The following SLC25A48 variants were observed in gnomAD, a reference collection of about 807,000 sequenced individuals.
SLC25A48 encodes CTC-321K16.1.
Under a neutral mutation model 32.2 loss-of-function variants are expected in SLC25A48, and 29 were observed. The observed-to-expected ratio is 0.90, with a 90% CI of 0.67 to 1.23. The LOEUF is 1.23. Among genes scored for constraint, SLC25A48 ranks in the 50% most tolerant of loss-of-function variants. The pLI is 0.00. For missense variants in SLC25A48, 399 were observed against 422.7 expected (o/e 0.94, Z 0.49); for synonymous variants, 164 against 172.3 (o/e 0.95, Z 0.38).
chr5:135,851,475 G>C (rs747084585), intron 3 of SLC25A48, among the ~76,000 whole-genome samples: 3 of 152,210 alleles, frequency 2.0e-5, no homozygotes, highest in Non-Finnish European at 4.4e-5. Context: ...GACTGCGGGC[G>C]GTTTCTCTGA....
In SLC25A48 at chr5:135,620,292, C is replaced by T. The variant is rs2079032; in HGVS notation, c.-848-8945C>T. Among the ~76,000 whole-genome samples, 329 of 152,234 alleles carry T rather than the reference C, an allele frequency of 2.2e-3. 1 individual carries two copies. Among genetic ancestry groups the T allele is most frequent in the African/African-American group, 7.7e-3 (318 of 41,532 alleles). ...TGGGCTAGGCTGGGCAATCCCCAGA[C>T]CCCTGGATGGTATGCTTGGGTGTCA... On this transcript the variant is annotated intron_variant, in intron 1 of 10. Transcript: ENST00000646290.
chr5:135,756,148 T>G (rs1364042376), intron 3 of SLC25A48, among the ~76,000 whole-genome samples: 4 of 152,138 alleles, frequency 2.6e-5, no homozygotes, highest in African/African-American at 9.7e-5. Context: ...TCGTATCTAG[T>G]GTCAACACAC....
At chr5:135,703,838 A>G (rs1028341367) in intron 3 of SLC25A48, among the ~76,000 whole-genome samples, 6 of 152,112 alleles carry the variant, frequency 3.9e-5, no homozygotes, top group Non-Finnish European at 8.8e-5. Flanking sequence ...GGCCCACTCA[A>G]TCTCCACTGC....
At chr5:135,687,199 A>C (rs1345967127) in intron 3 of SLC25A48, among the ~76,000 whole-genome samples, 2 of 151,798 alleles carry the variant, frequency 1.3e-5, no homozygotes, top group South Asian at 4.1e-4. Flanking sequence ...GACATTAAAG[A>C]ATCTTATTTA....
At position 135,721,192 on chromosome 5, in the gene SLC25A48, C is replaced by CTTTTTTTTTTTTTTTTT. The variant is rs757412641; in HGVS notation, c.-521+86249_-521+86265dup. Among the ~76,000 whole-genome samples the CTTTTTTTTTTTTTTTTT allele has an allele frequency of 1.5e-4, 8 of 53,884 alleles. 1 individual carries two copies. The highest frequency in any genetic ancestry group is 7.3e-4 in the South Asian group (1 of 1,364). 35.3% of individuals were successfully genotyped at this position (53,884 alleles called of 152,430 possible). A position where few individuals can be genotyped will look rare whatever the true frequency, so the allele number is the denominator to read the frequency against. On this transcript the variant is annotated intron_variant, in intron 3 of 10. Transcript: ENST00000646290. ...GAGTAGCTGGGACACCATGCCTGGC[C>CTTTTTTTTTTTTTTTTT]TTTTTTTTTTTTTTTTTTTTTTTTT... is the stretch of plus-strand genomic sequence containing the variant.
intron 3 of SLC25A48, among the ~76,000 whole-genome samples, chr5:135,709,851 T>C (rs1754610996): frequency 6.6e-6 from 1 of 152,212 alleles, no homozygotes; most frequent in Non-Finnish European, 1.5e-5. Context: ...TTTATTACTA[T>C]TATTTTCCAT....
At chr5:135,669,970 G>C (rs1346432627) in intron 3 of SLC25A48, among the ~76,000 whole-genome samples, 1 of 152,186 alleles carries the variant, frequency 6.6e-6, no homozygotes, top group African/African-American at 2.4e-5. Context: ...GCCTAGCAGA[G>C]AGCAATTTCT....
rs913516483 is a variant in SLC25A48 at position 135,720,131 on chromosome 5, A to G, written c.-521+85175A>G. ...CTCAAAGTCACTCCAGCTCCTGCTC[A>G]TTGTAGCAGTGGAGCTCTTGACTAT... On this transcript the variant is annotated intron_variant, in intron 3 of 10. Transcript: ENST00000646290. 4.6e-5 allele frequency among the ~76,000 whole-genome samples: 7 copies of G among 152,238 alleles called. No individual in the cohort carries two copies. The East Asian group carries it at 1.2e-3, about 25-fold the overall frequency.
intron 1 of SLC25A48, among the ~76,000 whole-genome samples, chr5:135,622,137 T>A (rs969860951): frequency 6.6e-6 from 1 of 152,226 alleles, no homozygotes; most frequent in Non-Finnish European, 1.5e-5. Flanking sequence ...TATATCATTT[T>A]TCATATTTCC....
At chr5:135,661,840 A>T (rs113919239) in intron 3 of SLC25A48, among the ~76,000 whole-genome samples, 1 of 152,178 alleles carries the variant, frequency 6.6e-6, no homozygotes, top group African/African-American at 2.4e-5. Flanking sequence ...CTTAACAGCT[A>T]CACCCTACAG....
At chr5:135,706,565 C>A (rs939340075) in intron 3 of SLC25A48, among the ~76,000 whole-genome samples, 3 of 152,132 alleles carry the variant, frequency 2.0e-5, no homozygotes, top group African/African-American at 7.2e-5. Flanking sequence ...TTGAGAAGCT[C>A]CCAGTTGTTA....
At chr5:135,830,120 T>C (rs1379185889), upstream of SLC25A48, among the ~76,000 whole-genome samples, 1 of 152,182 alleles carries the variant, frequency 6.6e-6, no homozygotes, top group Admixed American at 6.5e-5. Flanking sequence ...GACTCCCCTC[T>C]GAGCCTCCTG....
rs553337254 is a variant in SLC25A48 at position 135,752,608 on chromosome 5, A to G, written c.-520-59915A>G. Among the ~76,000 whole-genome samples, 14 of 152,308 alleles carry G rather than the reference A, an allele frequency of 9.2e-5. No individual in the cohort carries two copies. In the South Asian group the frequency reaches 1.0e-3, roughly 11 times the overall value. On this transcript the variant is annotated intron_variant, in intron 3 of 10. Coordinates refer to the SLC25A48 transcript ENST00000646290. Reference sequence around the variant, plus strand: ...AGTATCACAAATAATATCACAAGGTATACACACATTTTGTACACACAGTGT... The same window carrying G: ...AGTATCACAAATAATATCACAAGGTGTACACACATTTTGTACACACAGTGT...
At chr5:135,630,840 G>A (rs542036571) in intron 2 of SLC25A48, among the ~76,000 whole-genome samples, 1 of 152,128 alleles carries the variant, frequency 6.6e-6, no homozygotes, top group Admixed American at 6.5e-5. Flanking sequence ...GACCTCAAGT[G>A]ATCTGCCTGC....
At chr5:135,833,497 C>T (rs1348476760), upstream of SLC25A48, among the ~76,000 whole-genome samples, 1 of 152,218 alleles carries the variant, frequency 6.6e-6, no homozygotes, top group Admixed American at 6.5e-5. Flanking sequence ...AGGCATATAT[C>T]CCGGGCATGA....
intron 1 of SLC25A48, among the ~76,000 whole-genome samples, chr5:135,623,151 C>A (rs1389316874): frequency 6.6e-6 from 1 of 152,208 alleles, no homozygotes; most frequent in Admixed American, 6.5e-5. Flanking sequence ...GACATCCCTT[C>A]TTGGTTTGTT....
At chr5:135,836,836 A>G (rs1758548730) in intron 1 of SLC25A48, among the ~76,000 whole-genome samples, 1 of 152,202 alleles carries the variant, frequency 6.6e-6, no homozygotes, top group South Asian at 2.1e-4. Flanking sequence ...AAGACCATGC[A>G]TCTAGCATTG....
rs138068014 is a variant in SLC25A48, at chr5:135,732,900, C to A, written c.-520-79623C>A. On this transcript the variant is annotated intron_variant, in intron 3 of 10. Coordinates refer to the SLC25A48 transcript ENST00000646290. ...TTATCAGCATAAGCATTGTCTTGAG[C>A]GATGGGATCTGATGCCTTTTGATGG... is the stretch of plus-strand genomic sequence containing the variant. Among the ~76,000 whole-genome samples the A allele has an allele frequency of 1.8e-3, 272 of 152,218 alleles. 1 individual carries two copies. Among genetic ancestry groups the A allele is most frequent in the African/African-American group, 6.1e-3 (252 of 41,548 alleles).
At chr5:135,720,279 T>TGGTCCC (rs1245960290) in intron 3 of SLC25A48, among the ~76,000 whole-genome samples, 1 of 152,168 alleles carries the variant, frequency 6.6e-6, no homozygotes, top group Non-Finnish European at 1.5e-5. Flanking sequence ...GGGGTCTGTG[T>TGGTCCC]TGCCAGGGCC....
Sources: gnomAD v4.1 joint callset for allele counts (sites outside exome capture counted in the v4.1 genomes callset) on GRCh38, gnomAD v4.1.1 for gene constraint, MANE v1.5 for transcripts, NCBI Gene and HGNC (gene_info 2026-07-23, HGNC 2026-07-21) for gene names.